Variants in LRRTM4 observed in about 807,000 individuals in gnomAD.
LRRTM4 encodes the protein leucine-rich repeat transmembrane neuronal protein 4.
A neutral mutation model predicts 47.6 loss-of-function variants in LRRTM4; 25 were observed. The ratio of observed to expected loss-of-function variants is 0.53; its 90% CI spans 0.38 to 0.73. LRRTM4 has a LOEUF of 0.73. Among genes scored for constraint, LRRTM4 ranks in the 30% least tolerant of loss-of-function variants. The probability of loss-of-function intolerance (pLI) is 0.00; values close to 1 mark genes in which losing one functional copy is unlikely to be tolerated. For synonymous variants in LRRTM4, 311 were observed against 269.5 expected, an observed-to-expected ratio of 1.15 and a Z score of -1.51; for missense variants, 638 against 713.4, an observed-to-expected ratio of 0.89 and a Z score of 1.20.
Position 76,962,807 on chromosome 2 carries a change from A to G in LRRTM4, c.1552-213891T>C, listed in dbSNP as rs1280297920. 3.3e-5 allele frequency among the ~76,000 whole-genome samples: 5 copies of G among 151,034 alleles called. No homozygotes were observed. In the East Asian group the frequency reaches 9.8e-4, roughly 30 times the overall value. ...AGCTTACCTCATTCAACTCATTAAG[A>G]TACAGATAATTGCAATGCTATTTGC... On this transcript the variant is annotated intron_variant, in intron 3 of 3. Coordinates refer to ENST00000409884, the MANE Select transcript of LRRTM4 (RefSeq NM_001134745.3).
At chr2:76,768,433 A>G (rs1409405445) in intron 3 of LRRTM4, among the ~76,000 whole-genome samples, 1 of 152,154 alleles carries the variant, frequency 6.6e-6, no homozygotes, top group Non-Finnish European at 1.5e-5. Flanking sequence ...AGGTCAATCC[A>G]GAGTTTAAAG....
In LRRTM4 at chr2:77,273,252, GA is replaced by G. The variant is rs1367883127; in HGVS notation, c.1551+245065del. On this transcript the variant is annotated intron_variant, in intron 3 of 3. Transcript: ENST00000409884. ...GTTAAATAGATAATGCTATTAATGG[GA>G]AAAAATGCATAAATTACATAGAAGA... 5.3e-5 allele frequency among the ~76,000 whole-genome samples: 8 copies of G among 152,088 alleles called. No homozygotes were observed. The East Asian group carries it at 7.7e-4, about 15-fold the overall frequency.
At position 77,440,388 on chromosome 2, in the gene LRRTM4, A is replaced by T. The variant is rs563011331; in HGVS notation, c.1551+77930T>A. Among the ~76,000 whole-genome samples the T allele has an allele frequency of 5.1e-4, 78 of 152,058 alleles. 1 individual carries two copies. Among genetic ancestry groups the T allele is most frequent in the Admixed American group, 3.9e-3 (59 of 15,256 alleles). ...AAGATCGTGCCACTGCACTCCAGCC[A>T]GGGCGACAGAGTGAGACTCCGCCTC... On this transcript the variant is annotated intron_variant, in intron 3 of 3. Coordinates refer to ENST00000409884, the MANE Select transcript of LRRTM4 (RefSeq NM_001134745.3).
chr2:76,764,769 C>T (rs1673392644), intron 3 of LRRTM4, among the ~76,000 whole-genome samples: 1 of 152,186 alleles, frequency 6.6e-6, no homozygotes, highest in South Asian at 2.1e-4. Context: ...GACTATAGAG[C>T]TATCCAGCTG....
Position 77,439,374 on chromosome 2 carries a change from G to A in LRRTM4, c.1551+78944C>T, listed in dbSNP as rs143719923. Among the ~76,000 whole-genome samples the A allele has an allele frequency of 5.0e-3, 755 of 151,430 alleles. 7 individuals carry two copies. The highest frequency in any genetic ancestry group is 5.3e-3 in the Non-Finnish European group (360 of 67,912). ...CATCTTATGAAATAAAGAAAAATAC[G>A]GGCAAAAAAGTCAAATAGGTACATA... On this transcript the variant is annotated intron_variant, in intron 3 of 3. Transcript: ENST00000409884.
chr2:77,476,829 AT>A (rs1553448879), intron 3 of LRRTM4, among the ~76,000 whole-genome samples: 1 of 152,162 alleles, frequency 6.6e-6, no homozygotes, highest in East Asian at 1.9e-4. Context: ...AAATGGTGGT[AT>A]TTTTTTAAGG....
At chr2:77,201,857 T>C (rs1303947482) in intron 3 of LRRTM4, among the ~76,000 whole-genome samples, 2 of 152,112 alleles carry the variant, frequency 1.3e-5, no homozygotes, top group Non-Finnish European at 2.9e-5. Context: ...AATGTGATTT[T>C]TCATAATGCT....
intron 3 of LRRTM4, among the ~76,000 whole-genome samples, chr2:77,106,234 C>T (rs914630733): frequency 1.1e-4 from 16 of 152,278 alleles, no homozygotes; most frequent in African/African-American, 3.8e-4. Context: ...TTATATAAAA[C>T]AATCTCTTTA....
chr2:76,908,657 A>C (rs1287324888), intron 3 of LRRTM4, among the ~76,000 whole-genome samples: 1 of 152,218 alleles, frequency 6.6e-6, no homozygotes, highest in Non-Finnish European at 1.5e-5. Context: ...TCAGGACACA[A>C]AATCTCTGTA....
intron 3 of LRRTM4, among the ~76,000 whole-genome samples, chr2:77,022,951 C>A (rs531493318): frequency 3.3e-5 from 5 of 152,350 alleles, no homozygotes; most frequent in African/African-American, 1.2e-4. Flanking sequence ...AGGGCTCCAA[C>A]CCCACATTTC....
At chr2:77,122,760 G>C (rs1671552897) in intron 3 of LRRTM4, among the ~76,000 whole-genome samples, 1 of 151,808 alleles carries the variant, frequency 6.6e-6, no homozygotes, top group Middle Eastern at 3.4e-3. Context: ...CAAATAAAAA[G>C]CTTCTCCCAA....
intron 3 of LRRTM4, among the ~76,000 whole-genome samples, chr2:77,385,925 T>C (rs1269144358): frequency 6.6e-6 from 1 of 151,366 alleles, no homozygotes. Flanking sequence ...TTTTTTTTTA[T>C]TTTTTATTTT....
At chr2:77,243,425 TA>T (rs985104926) in intron 3 of LRRTM4, among the ~76,000 whole-genome samples, 6 of 31,568 alleles carry the variant, frequency 1.9e-4, no homozygotes, top group South Asian at 1.4e-3. Flanking sequence ...TAAAAAAAAA[TA>T]AAAAAAATAA....
intron 3 of LRRTM4, among the ~76,000 whole-genome samples, chr2:76,858,345 T>A (rs895066971): frequency 2.8e-4 from 42 of 152,320 alleles, no homozygotes; most frequent in African/African-American, 9.4e-4. Context: ...ACTGAGACAT[T>A]GACTTTTTCC....
chr2:76,956,030 T>C (rs1196423665), intron 3 of LRRTM4, among the ~76,000 whole-genome samples: 1 of 123,198 alleles, frequency 8.1e-6, no homozygotes, highest in African/African-American at 3.1e-5. Context: ...CCTAGAGAGG[T>C]TGAATGGATT....
intron 3 of LRRTM4, among the ~76,000 whole-genome samples, chr2:77,111,491 G>A (rs910850731): frequency 7.2e-5 from 11 of 151,862 alleles, no homozygotes; most frequent in Non-Finnish European, 1.3e-4. Context: ...ACCAAAGTGC[G>A]AAAATATTAA....
At chr2:76,812,673 C>CTT (rs1553413488) in intron 3 of LRRTM4, among the ~76,000 whole-genome samples, 2,136 of 147,918 alleles carry the variant, frequency 0.014, 28 homozygotes, top group South Asian at 0.025. Flanking sequence ...TACAAATAAG[C>CTT]TCTTTCTTTC....
intron 3 of LRRTM4, among the ~76,000 whole-genome samples, chr2:76,795,144 A>AAAAT (rs1573116299): frequency 6.6e-6 from 1 of 152,202 alleles, no homozygotes; most frequent in Non-Finnish European, 1.5e-5. Flanking sequence ...TAAAGTGGAC[A>AAAAT]AAATATATGA....
At chr2:77,146,928 C>A (rs373292131) in intron 3 of LRRTM4, among the ~76,000 whole-genome samples, 5 of 152,056 alleles carry the variant, frequency 3.3e-5, no homozygotes, top group Non-Finnish European at 2.9e-5. Flanking sequence ...TTAGAGGGAG[C>A]TAGTTTATCT....
Sources: allele counts gnomAD v4.1 joint callset (sites outside exome capture counted in the v4.1 genomes callset), GRCh38; gene constraint gnomAD v4.1.1; transcripts MANE v1.5; gene names NCBI Gene and HGNC (gene_info 2026-07-23, HGNC 2026-07-21).